The following STAB2 variants were observed in gnomAD, a reference collection of about 807,000 sequenced individuals.
STAB2 encodes stabilin-2.
In STAB2, 288 loss-of-function variants were observed where a neutral mutation model predicts 338.1. That is an observed-to-expected ratio of 0.85 (90% CI 0.77 to 0.94). The LOEUF (loss-of-function observed/expected upper bound fraction) is 0.94. STAB2 is among the 40% of genes least tolerant of loss of function. The pLI, the probability that STAB2 is intolerant of heterozygous loss-of-function variation, is 0.00. For synonymous variants in STAB2, 1,202 were observed against 1,193.3 expected, an observed-to-expected ratio of 1.01 and a Z score of -0.15; for missense variants, 3,141 against 3,210.1, an observed-to-expected ratio of 0.98 and a Z score of 0.52.
chr12:103,595,319 A>G (rs1024513761), intron 3 of STAB2, among the ~76,000 whole-genome samples: 7 of 152,158 alleles, frequency 4.6e-5, no homozygotes, highest in East Asian at 1.9e-4. Context: ...GGATCCACAT[A>G]AAAGGAGAGA....
chr12:103,690,408 TG>T lies in STAB2; in HGVS notation c.3183-14del. The T allele has an allele frequency of 6.3e-7, 1 of 1,591,092 alleles. No homozygotes were observed. The highest frequency in any genetic ancestry group is 8.6e-7 in the Non-Finnish European group (1 of 1,160,542). On this transcript the variant is annotated splice_polypyrimidine_tract_variant and intron_variant, in intron 29 of 68. Coordinates refer to ENST00000388887, the MANE Select transcript of STAB2 (RefSeq NM_017564.10). ...CATTTATATTGAATTATAGCCTTTG[TG>T]GACTATTGTTTCAGGTACCATATGC...
At chr12:103,717,892 C>T in intron 44 of STAB2, 51 bp downstream of exon 44, 2 of 1,592,632 alleles carry the variant, frequency 1.3e-6, no homozygotes, top group Non-Finnish European at 1.7e-6. Context: ...GCCCAGGGTG[C>T]CTCCCACCCC....
In STAB2 at chr12:103,742,431, T is replaced by C. The variant is rs1424266175; in HGVS notation, c.5908T>C (p.Cys1970Arg). The C allele has an allele frequency of 1.9e-6, 3 of 1,613,986 alleles. No homozygotes were observed. Among genetic ancestry groups the C allele is most frequent in the Non-Finnish European group, 2.5e-6 (3 of 1,180,018 alleles). The change falls in exon 56 of 69, where the codon TGT becomes CGT. Residue 1970 changes from cysteine (C) to arginine (R), a missense_variant. Transcript: ENST00000388887. ...QACPGGPDAP[C>R]NNRGVCLDQY... The stretch of plus-strand genomic sequence containing the variant: ...CTGCCCTGGAGGACCAGATGCCCCG[T>C]GTAATAACCGGGGTGTCTGCCTTGA...
chr12:103,590,960 A>G lies in STAB2; in HGVS notation c.145A>G (p.Asn49Asp), dbSNP rs1956788343. The G allele has an allele frequency of 6.2e-6, 10 of 1,614,116 alleles. No homozygotes were observed. The highest frequency in any genetic ancestry group is 8.5e-6 in the Non-Finnish European group (10 of 1,180,016). Residue 49 changes from asparagine to aspartate, a missense_variant, in exon 2 of 69, where the codon AAC becomes GAC. Transcript: ENST00000388887. ...IRTECRSCAL[N>D]LGVKCPDGYT... ...GACCGAGTGCCGATCCTGCGCTCTC[A>G]ACCTTGGAGTCAAGTGCCCGGATGG...
At chr12:103,742,076 G>A (rs1422037285) in intron 55 of STAB2, among the ~76,000 whole-genome samples, 2 of 146,606 alleles carry the variant, frequency 1.4e-5, no homozygotes, top group East Asian at 1.9e-4. Context: ...AGCAGACACT[G>A]TATCATCATT....
rs117645668 is a variant in STAB2, at chr12:103,753,510, G to A, written c.6714+157G>A. 1.0e-3 allele frequency among the ~76,000 whole-genome samples: 154 copies of A among 152,240 alleles called. 1 individual carries two copies. The East Asian group carries it at 0.028, about 28-fold the overall frequency. On this transcript the variant is annotated intron_variant, in intron 61 of 68. Transcript: ENST00000388887. Reference sequence around the variant, plus strand: ...TAACAGTCACCATGTCCATTTATTGGGCATCTATTATGTGTCAGGGACTGT... The same window carrying A: ...TAACAGTCACCATGTCCATTTATTGAGCATCTATTATGTGTCAGGGACTGT...
Position 103,675,994 on chromosome 12 carries a change from A to T in STAB2, c.2619A>T (p.Gly873=). 1 of 1,612,340 alleles carries T rather than the reference A, an allele frequency of 6.2e-7. No individual in the cohort carries two copies. Among genetic ancestry groups the T allele is most frequent in the Non-Finnish European group, 8.5e-7 (1 of 1,179,610 alleles). ...GTTCTGAGATGGACCCTTGCACAGG[A>T]CTAACTCCAGGAGGCTGTAGCCGCA... ...TLCSEMDPCT[G]LTPGGCSRNA... Residue 873 remains glycine, a synonymous_variant, in exon 24 of 69, where the codon GGA becomes GGT. Coordinates refer to ENST00000388887, the MANE Select transcript of STAB2 (RefSeq NM_017564.10).
chr12:103,744,810 C>A (rs1882884022), intron 56 of STAB2, among the ~76,000 whole-genome samples: 2 of 152,104 alleles, frequency 1.3e-5, no homozygotes, highest in Non-Finnish European at 2.9e-5. Flanking sequence ...CATCAGGAAG[C>A]CCCAGATGAG....
At chr12:103,628,576 G>T (rs1957414666) in intron 5 of STAB2, among the ~76,000 whole-genome samples, 1 of 152,208 alleles carries the variant, frequency 6.6e-6, no homozygotes, top group Non-Finnish European at 1.5e-5. Context: ...CTAGAAGAAG[G>T]TCCTTCCTTG....
intron 6 of STAB2, 148 bp from the exon 7 acceptor site, chr12:103,636,963 A>C (rs143265559): frequency 1.3e-6 from 1 of 752,038 alleles, no homozygotes; most frequent in African/African-American, 1.8e-5. Flanking sequence ...ACTAAGAAGA[A>C]GACAATTTTA....
At chr12:103,634,215 A>G (rs972596229) in intron 6 of STAB2, among the ~76,000 whole-genome samples, 1 of 152,112 alleles carries the variant, frequency 6.6e-6, no homozygotes, top group Non-Finnish European at 1.5e-5. Context: ...AGGTACTACA[A>G]TCAAATTTAC....
At position 103,761,303 on chromosome 12, in the gene STAB2, G is replaced by A. The variant is rs772884738; in HGVS notation, c.7252G>A (p.Glu2418Lys). The change falls in exon 66 of 69, where the codon GAG becomes AAG. Residue 2418 changes from glutamate to lysine, a missense_variant. Glu to Lys is a moderately conservative substitution (Grantham distance 56, BLOSUM62 1). Transcript: ENST00000388887. ...TASQDPLQPT[E>K]TRFVDGRAIL... ...AACCCTCTTCTCATTTCCCTAGACGGAGACCAGGTTTGTTGATGGAAGAGC... is the reference window on the plus strand; with the variant it reads ...AACCCTCTTCTCATTTCCCTAGACGAAGACCAGGTTTGTTGATGGAAGAGC... The A allele has an allele frequency of 6.2e-7, 1 of 1,613,932 alleles. No individual in the cohort carries two copies. The highest frequency in any genetic ancestry group is 1.1e-5 in the South Asian group (1 of 91,060).
chr12:103,666,417 A>G (rs538123480), intron 19 of STAB2, 64 bp downstream of exon 19: 8 of 1,513,512 alleles, frequency 5.3e-6, no homozygotes, highest in South Asian at 2.3e-5. Context: ...TGGTTTCTCA[A>G]CCTATCTACC....
chr12:103,758,061 C>A, intron 63 of STAB2, 109 bp from the exon 64 acceptor site: 1 of 1,510,920 alleles, frequency 6.6e-7, no homozygotes, highest in Non-Finnish European at 8.9e-7. Flanking sequence ...GCTGAGTTGG[C>A]TCACACCATG....
Position 103,670,716 on chromosome 12 carries a change from C to G in STAB2, c.2280C>G (p.Gly760=), listed in dbSNP as rs764806720. The G allele has an allele frequency of 2.5e-6, 4 of 1,613,986 alleles. No homozygotes were observed. The African/African-American group carries it at 5.3e-5, about 22-fold the overall frequency. The change falls in exon 22 of 69, where the codon GGC becomes GGG. Residue 760 remains glycine (G), a synonymous_variant. Transcript: ENST00000388887. ...CCCAGTGTGCAGATAGCCTCGGCGG[C>G]AACGGGACATGCATTTGTGAGGAGG... The part of the protein sequence containing the change: ...GNGQCADSLG[G]NGTCICEEGF...
intron 23 of STAB2, among the ~76,000 whole-genome samples, chr12:103,675,461 A>G (rs942574971): frequency 2.0e-5 from 3 of 152,238 alleles, no homozygotes; most frequent in Admixed American, 1.3e-4. Context: ...CATAGAAGAC[A>G]GAGTAGAACT....
At chr12:103,743,723 C>T (rs890850254) in intron 56 of STAB2, among the ~76,000 whole-genome samples, 1 of 152,164 alleles carries the variant, frequency 6.6e-6, no homozygotes, top group African/African-American at 2.4e-5. Context: ...GTGGACAGTG[C>T]AGACCAGAGG....
At position 103,655,184 on chromosome 12, in the gene STAB2, T is replaced by C. The variant is rs536536360; in HGVS notation, c.1552-67T>C. 847 of 1,450,416 alleles carry C rather than the reference T, an allele frequency of 5.8e-4. 1 individual carries two copies. The highest frequency in any genetic ancestry group is 3.1e-3 in the Middle Eastern group (17 of 5,572). The allele number at this position is 1,450,416 out of a possible 1,614,324, so 89.8% of individuals were successfully genotyped here. ...AACTCTGTCATCAGTCTTTAAATGTTAGAATTTGTATTTCCTAAATCACAA... is the reference window on the plus strand; with the variant it reads ...AACTCTGTCATCAGTCTTTAAATGTCAGAATTTGTATTTCCTAAATCACAA... On this transcript the variant is annotated intron_variant, in intron 13 of 68. Transcript: ENST00000388887.
chr12:103,748,353 G>A (rs963167448), intron 58 of STAB2, among the ~76,000 whole-genome samples: 4 of 152,114 alleles, frequency 2.6e-5, no homozygotes, highest in Non-Finnish European at 5.9e-5. Flanking sequence ...CTAATCTATC[G>A]TTGGGTCGAT....
Sources: allele counts gnomAD v4.1 joint callset (sites outside exome capture counted in the v4.1 genomes callset), GRCh38; gene constraint gnomAD v4.1.1; transcripts MANE v1.5; gene names NCBI Gene and HGNC (gene_info 2026-07-23, HGNC 2026-07-21).